ITPR1: variants seen among roughly 807,000 people sequenced by gnomAD.
ITPR1 encodes inositol 1,4,5-trisphosphate-gated calcium channel ITPR1.
Under a neutral mutation model 318.4 loss-of-function variants are expected in ITPR1, and 96 were observed. That is an observed-to-expected ratio of 0.30 (90% CI 0.26 to 0.36). ITPR1 has a LOEUF of 0.36. Among genes scored for constraint, ITPR1 ranks in the 10% least tolerant of loss-of-function variants. ITPR1 has a pLI of 1.00. For synonymous variants in ITPR1, 1,312 were observed against 1,289.9 expected (o/e 1.02, Z -0.37); for missense variants, 2,440 against 3,460.2 (o/e 0.71, Z 7.40).
chr3:4,701,135 G>A (rs746823928), intron 35 of ITPR1, among the ~76,000 whole-genome samples: 1 of 152,152 alleles, frequency 6.6e-6, no homozygotes, highest in Non-Finnish European at 1.5e-5. Context: ...ATCATCTTTT[G>A]TACACTGAGG....
intron 60 of ITPR1, among the ~76,000 whole-genome samples, chr3:4,834,540 C>A (rs1321557947): frequency 2.6e-5 from 4 of 152,162 alleles, no homozygotes; most frequent in Admixed American, 6.5e-5. Flanking sequence ...CCTCCCCTCG[C>A]CCTAGTGGGA....
At position 4,688,614 on chromosome 3, in the gene ITPR1, C is replaced by T; in HGVS notation, c.3822C>T (p.Asn1274=). The T allele has an allele frequency of 6.2e-7, 1 of 1,613,522 alleles. No homozygotes were observed. The highest frequency in any genetic ancestry group is 1.3e-5 in the African/African-American group (1 of 75,040). The change falls in exon 31 of 62, where the codon AAC becomes AAT. Residue 1274 remains asparagine (N), a synonymous_variant. Coordinates refer to ENST00000649015, the MANE Select transcript of ITPR1 (RefSeq NM_001378452.1). The part of the protein sequence containing the change: ...LLHKHINLFL[N]PGILEAVTMQ... Reference sequence around the variant, plus strand: ...ATAAACACATAAACCTGTTTCTCAACCCAGGGGTAAGACTTGAGGCCAATC... The same window carrying T: ...ATAAACACATAAACCTGTTTCTCAATCCAGGGGTAAGACTTGAGGCCAATC...
chr3:4,643,417 A>T (rs935288117), intron 7 of ITPR1, among the ~76,000 whole-genome samples: 4 of 152,186 alleles, frequency 2.6e-5, no homozygotes, highest in African/African-American at 9.6e-5. Context: ...GTGTGTGGCC[A>T]TGGCTTAGTT....
intron 55 of ITPR1, among the ~76,000 whole-genome samples, chr3:4,809,615 C>G (rs544805263): frequency 6.6e-6 from 1 of 151,758 alleles, no homozygotes; most frequent in South Asian, 2.1e-4. Context: ...TTTTGTTTTC[C>G]AAGTTTTCTC....
chr3:4,653,677 G>A (rs539511665), intron 11 of ITPR1, among the ~76,000 whole-genome samples, 165 bp from the exon 12 acceptor site: 2 of 152,302 alleles, frequency 1.3e-5, no homozygotes, highest in African/African-American at 4.8e-5. Context: ...CTGTACCCAT[G>A]TGACCTGTAT....
intron 46 of ITPR1, among the ~76,000 whole-genome samples, chr3:4,770,802 T>C (rs2046136823): frequency 6.6e-6 from 1 of 152,180 alleles, no homozygotes; most frequent in Admixed American, 6.5e-5. Flanking sequence ...CCTCAAATGC[T>C]CAGGGCCTGG....
intron 2 of ITPR1, 31 bp from the exon 3 acceptor site, chr3:4,516,445 C>A: frequency 8.6e-7 from 1 of 1,159,110 alleles, no homozygotes; most frequent in South Asian, 1.5e-5. Flanking sequence ...TTCTTTTCTT[C>A]TAACAATGCT....
chr3:4,685,486 C>T (rs1291025901), intron 30 of ITPR1, among the ~76,000 whole-genome samples: 1 of 152,218 alleles, frequency 6.6e-6, no homozygotes, highest in African/African-American at 2.4e-5. Flanking sequence ...ACAACTTGGT[C>T]TGTGTCAGAG....
intron 44 of ITPR1, among the ~76,000 whole-genome samples, chr3:4,744,609 C>T (rs1294967293): frequency 6.6e-6 from 1 of 152,196 alleles, no homozygotes; most frequent in Admixed American, 6.5e-5. Flanking sequence ...TGACCCTCAG[C>T]GTGTGAAATG....
chr3:4,639,764 C>G (rs1010014608), intron 6 of ITPR1, among the ~76,000 whole-genome samples: 1 of 145,040 alleles, frequency 6.9e-6, no homozygotes, highest in African/African-American at 2.6e-5. Flanking sequence ...TGTGGCAGTT[C>G]TGTTTAATTT....
intron 21 of ITPR1, among the ~76,000 whole-genome samples, chr3:4,673,831 C>T (rs2094135404): frequency 6.6e-6 from 1 of 152,208 alleles, no homozygotes; most frequent in Non-Finnish European, 1.5e-5. Flanking sequence ...AGCCGTCCAC[C>T]TCGGCCTCCC....
At chr3:4,752,834 G>C (rs181001403) in intron 44 of ITPR1, among the ~76,000 whole-genome samples, 237 of 152,268 alleles carry the variant, frequency 1.6e-3, no homozygotes, top group African/African-American at 5.2e-3. Context: ...AGCACTCCCT[G>C]GGTGTCAGGT....
At chr3:4,666,468 ACATGAG>A (rs2093948297) in intron 17 of ITPR1, among the ~76,000 whole-genome samples, 1 of 152,192 alleles carries the variant, frequency 6.6e-6, no homozygotes, top group African/African-American at 2.4e-5. Flanking sequence ...CTTTGCTTGT[ACATGAG>A]GAAACAAACT....
chr3:4,553,270 T>C (rs2085755881), intron 4 of ITPR1, among the ~76,000 whole-genome samples: 1 of 152,130 alleles, frequency 6.6e-6, no homozygotes, highest in African/African-American at 2.4e-5. Context: ...GACATTTTTC[T>C]ACAGTGAATT....
chr3:4,732,199 T>G (rs547220444), intron 42 of ITPR1, among the ~76,000 whole-genome samples: 1 of 152,224 alleles, frequency 6.6e-6, no homozygotes, highest in Non-Finnish European at 1.5e-5. Context: ...CCCCCAGTAT[T>G]ACTGAACAAT....
chr3:4,706,328 C>T lies in ITPR1; in HGVS notation c.4819C>T (p.Arg1607Trp), dbSNP rs749473983. ...DSVLAASRDYRNIIERLQDIV... is the reference protein window; with the variant it reads ...DSVLAASRDYWNIIERLQDIV... Reference sequence around the variant, plus strand: ...TGTTCTGGCAGCTTCCAGAGACTACCGGAATATCATTGAGAGATTGCAGGT... The same window carrying T: ...TGTTCTGGCAGCTTCCAGAGACTACTGGAATATCATTGAGAGATTGCAGGT... Residue 1607 changes from arginine (R) to tryptophan (W), a missense_variant, in exon 37 of 62, where the codon CGG becomes TGG. By Grantham distance (101) the Arg-to-Trp change is moderately radical (BLOSUM62 -3). Transcript: ENST00000649015. The T allele has an allele frequency of 3.1e-6, 5 of 1,612,722 alleles. No individual in the cohort carries two copies. Among genetic ancestry groups the T allele is most frequent in the Non-Finnish European group, 2.5e-6 (3 of 1,179,090 alleles).
intron 44 of ITPR1, among the ~76,000 whole-genome samples, chr3:4,742,343 AGT>A (rs1370853203): frequency 4.6e-5 from 7 of 152,320 alleles, no homozygotes; most frequent in African/African-American, 1.7e-4. Context: ...ATGAGGGTAA[AGT>A]GTGTGGTCCG....
At chr3:4,589,889 C>T (rs886808239) in intron 4 of ITPR1, among the ~76,000 whole-genome samples, 2 of 152,188 alleles carry the variant, frequency 1.3e-5, no homozygotes, top group African/African-American at 4.8e-5. Context: ...GACCAGGCCC[C>T]TGCCTGCCTC....
chr3:4,661,304 TCC>T (rs376892834), intron 14 of ITPR1, among the ~76,000 whole-genome samples: 1 of 152,326 alleles, frequency 6.6e-6, no homozygotes, highest in African/African-American at 2.4e-5. Context: ...TTAATTTTAT[TCC>T]ATGGCTTCTG....
Sources: gnomAD v4.1 joint callset for allele counts (sites outside exome capture counted in the v4.1 genomes callset) on GRCh38, gnomAD v4.1.1 for gene constraint, MANE v1.5 for transcripts, NCBI Gene and HGNC (gene_info 2026-07-23, HGNC 2026-07-21) for gene names.